REPS2: variants seen among roughly 807,000 people sequenced by gnomAD.
The protein encoded by REPS2 is ralBP1-associated Eps domain-containing protein 2.
A neutral mutation model predicts 53.6 loss-of-function variants in REPS2; 23 were observed. The observed-to-expected ratio is 0.43, with a 90% CI of 0.31 to 0.61. REPS2 has a LOEUF of 0.61. Ranked by LOEUF, REPS2 falls within the 20% of genes least tolerant of loss-of-function variation. REPS2 has a pLI of 0.11. For synonymous variants in REPS2, 238 were observed against 218.6 expected, an observed-to-expected ratio of 1.09 and a Z score of -0.78; for missense variants, 446 against 534.9, an observed-to-expected ratio of 0.83 and a Z score of 1.64.
chrX:17,035,596 C>T (rs192555175), intron 5 of REPS2, among the ~76,000 whole-genome samples: 4 of 110,952 alleles, frequency 3.6e-5, no homozygotes, highest in Non-Finnish European at 5.7e-5. Context: ...AGTGTTCATA[C>T]GAACGTGTGT....
At chrX:17,192,877 G>A in the REPS2 span, among the ~76,000 whole-genome samples, 2 of 112,024 alleles carry the variant, frequency 1.8e-5, no homozygotes, top group Admixed American at 9.4e-5. Context: ...CATGTAAGTG[G>A]TATTACACAG....
intron 7 of REPS2, among the ~76,000 whole-genome samples, chrX:17,053,451 C>T (rs1167064790): frequency 9.0e-6 from 1 of 111,395 alleles, no homozygotes; most frequent in Non-Finnish European, 1.9e-5. Flanking sequence ...GATTATAGCT[C>T]ATTGCAGCCT....
the REPS2 span, among the ~76,000 whole-genome samples, chrX:17,193,996 C>A: frequency 9.0e-6 from 1 of 111,629 alleles, no homozygotes; most frequent in Non-Finnish European, 1.9e-5. Flanking sequence ...CCTAAGTGCT[C>A]TCTGCGTTCA....
chrX:17,034,929 A>G (rs2061748341), intron 5 of REPS2, among the ~76,000 whole-genome samples: 1 of 110,996 alleles, frequency 9.0e-6, no homozygotes, highest in Non-Finnish European at 1.9e-5. Flanking sequence ...TTCATCTCGA[A>G]GTGCATAACT....
At chrX:16,969,612 G>A (rs182994758) in intron 1 of REPS2, among the ~76,000 whole-genome samples, 1 of 111,117 alleles carries the variant, frequency 9.0e-6, no homozygotes, top group Non-Finnish European at 1.9e-5. Flanking sequence ...TGCAATTGCA[G>A]GCACTCGGCA....
At chrX:16,988,308 T>G (rs896096428) in intron 1 of REPS2, among the ~76,000 whole-genome samples, 3 of 111,252 alleles carry the variant, frequency 2.7e-5, no homozygotes, top group Non-Finnish European at 5.7e-5. Flanking sequence ...CTGTCTCTAT[T>G]TGCAGATGAC....
chrX:17,098,612 G>T (rs947140545), intron 13 of REPS2, among the ~76,000 whole-genome samples: 1 of 108,423 alleles, frequency 9.2e-6, no homozygotes, highest in Non-Finnish European at 1.9e-5. Context: ...AAATGGTTTT[G>T]TGTGTGTGTG....
At chrX:16,964,356 C>A (rs1429720194) in intron 1 of REPS2, among the ~76,000 whole-genome samples, 102 of 108,679 alleles carry the variant, frequency 9.4e-4, no homozygotes, top group Middle Eastern at 4.7e-3. Flanking sequence ...GTAAGGTCAC[C>A]GATCAACAGG....
At chrX:17,108,366 G>T (rs904302203) in intron 14 of REPS2, among the ~76,000 whole-genome samples, 4 of 109,599 alleles carry the variant, frequency 3.6e-5, no homozygotes, top group Admixed American at 9.7e-5. Flanking sequence ...AGAGATGGGG[G>T]TTTCACCATG....
In REPS2 at chrX:17,150,435, T is replaced by G. The variant is rs1297946468; in HGVS notation, c.*2954T>G. On this transcript the variant is annotated 3_prime_UTR_variant, in exon 18 of 18. Coordinates refer to ENST00000357277, the MANE Select transcript of REPS2 (RefSeq NM_004726.3). ...GCTGACAGCTGGCTTATTTGGTCCC[T>G]CGGCATCTCTCGTATGTGGCATATT... 8.9e-6 allele frequency: 1 copy of G among 112,628 alleles called. No homozygotes were observed. Among genetic ancestry groups the G allele is most frequent in the African/African-American group, 3.2e-5 (1 of 30,956 alleles). 9.3% of individuals were successfully genotyped at this position (112,628 alleles called of 1,213,427 possible). A position where few individuals can be genotyped will look rare whatever the true frequency, so the allele number is the denominator to read the frequency against.
rs759589514 is a variant in REPS2 at position 17,031,723 on chromosome X, C to T, written c.771+2100C>T. Among the ~76,000 whole-genome samples the T allele has an allele frequency of 6.3e-5, 7 of 111,429 alleles. No individual in the cohort carries two copies. In the East Asian group the frequency reaches 1.1e-3, roughly 18 times the overall value. ...AGGCTTCTGGTGGGGGAGCAACATT[C>T]GAGTTGGAATAAGGGTACATGGGTG... On this transcript the variant is annotated intron_variant, in intron 5 of 17. Transcript: ENST00000357277.
intron 5 of REPS2, among the ~76,000 whole-genome samples, chrX:17,032,567 G>C (rs1320756829): frequency 8.9e-6 from 1 of 111,942 alleles, no homozygotes; most frequent in Non-Finnish European, 1.9e-5. Flanking sequence ...TTGGTGATAA[G>C]GGATTAATGT....
chrX:17,164,950 A>AGTT, the REPS2 span, among the ~76,000 whole-genome samples: 1 of 111,477 alleles, frequency 9.0e-6, no homozygotes, highest in Non-Finnish European at 1.9e-5. Context: ...TTTTTGAAAC[A>AGTT]GTTATCTTTT....
intron 14 of REPS2, among the ~76,000 whole-genome samples, chrX:17,117,690 T>G (rs1218757206): frequency 2.7e-5 from 3 of 109,672 alleles, no homozygotes; most frequent in Non-Finnish European, 3.8e-5. Context: ...GACATTTGGG[T>G]TGGTTCCAAG....
chrX:17,072,079 C>T (rs2062314554), intron 11 of REPS2, among the ~76,000 whole-genome samples: 2 of 111,477 alleles, frequency 1.8e-5, no homozygotes, highest in Admixed American at 9.5e-5. Flanking sequence ...AGCAGCTGCT[C>T]CATTGCCAAC....
At chrX:16,960,994 A>T (rs895491698) in intron 1 of REPS2, among the ~76,000 whole-genome samples, 3 of 112,640 alleles carry the variant, frequency 2.7e-5, no homozygotes, top group Non-Finnish European at 5.6e-5. Context: ...ATGCATTGGA[A>T]AAATTAATAG....
In REPS2 at chrX:17,120,787, C is replaced by T. The variant is rs142340402; in HGVS notation, c.1579-13037C>T. On this transcript the variant is annotated intron_variant, in intron 14 of 17. Transcript: ENST00000357277. ...CCTACAGGCCAAATCCAGATGGTCA[C>T]CTGTTTCTATAAATAATGGAAATGT... Among the ~76,000 whole-genome samples, 5 of 112,039 alleles carry T rather than the reference C, an allele frequency of 4.5e-5. No individual in the cohort carries two copies. In the East Asian group the frequency reaches 8.4e-4, roughly 19 times the overall value.
At chrX:17,133,376 A>C (rs1355232374) in intron 14 of REPS2, among the ~76,000 whole-genome samples, 1 of 110,392 alleles carries the variant, frequency 9.1e-6, no homozygotes, top group Non-Finnish European at 1.9e-5. Context: ...GATAGTTCTT[A>C]CCTCTTCTTC....
intron 13 of REPS2, among the ~76,000 whole-genome samples, chrX:17,093,769 T>G (rs1238119081): frequency 1.1e-5 from 1 of 93,607 alleles, no homozygotes; most frequent in African/African-American, 3.7e-5. Context: ...GTAAGACATA[T>G]AGTAAATTAC....
Sources: gnomAD v4.1 joint callset for allele counts (sites outside exome capture counted in the v4.1 genomes callset) on GRCh38, gnomAD v4.1.1 for gene constraint, MANE v1.5 for transcripts, NCBI Gene and HGNC (gene_info 2026-07-23, HGNC 2026-07-21) for gene names.